The following BNC2 variants were observed in gnomAD, a reference collection of about 807,000 sequenced individuals.
BNC2 encodes zinc finger protein basonuclin-2.
A neutral mutation model predicts 76.3 loss-of-function variants in BNC2; 20 were observed. That is an observed-to-expected ratio of 0.26 (90% CI 0.18 to 0.38). The LOEUF (loss-of-function observed/expected upper bound fraction) is 0.38. Ranked by LOEUF, BNC2 falls within the 10% of genes least tolerant of loss-of-function variation. BNC2 has a pLI of 1.00. For missense variants in BNC2, 1,382 were observed against 1,399.8 expected (o/e 0.99, Z 0.20); for synonymous variants, 582 against 514.8 (o/e 1.13, Z -1.77).
chr9:16,467,997 T>C (rs544706738), intron 5 of BNC2, among the ~76,000 whole-genome samples: 3 of 152,018 alleles, frequency 2.0e-5, no homozygotes, highest in Non-Finnish European at 4.4e-5. Context: ...GCTGTTCTGT[T>C]ACTGTGTTCC....
intron 5 of BNC2, among the ~76,000 whole-genome samples, chr9:16,491,060 C>T (rs754564592): frequency 2.0e-5 from 3 of 152,126 alleles, no homozygotes; most frequent in African/African-American, 7.2e-5. Flanking sequence ...AGACAGACAA[C>T]GTGATTGTGG....
chr9:16,693,441 A>T (rs1030046655), intron 3 of BNC2, among the ~76,000 whole-genome samples: 2 of 152,118 alleles, frequency 1.3e-5, no homozygotes, highest in African/African-American at 4.8e-5. Context: ...ATCACCTGAG[A>T]GCATGTCTGA....
intron 1 of BNC2, among the ~76,000 whole-genome samples, chr9:16,772,017 A>AAT: frequency 6.6e-6 from 1 of 152,238 alleles, no homozygotes; most frequent in African/African-American, 2.4e-5. Flanking sequence ...AATAATAACT[A>AAT]ATATGTCTGC....
chr9:16,658,132 A>G (rs1025011966), intron 3 of BNC2, among the ~76,000 whole-genome samples: 8 of 152,204 alleles, frequency 5.3e-5, no homozygotes, highest in African/African-American at 9.7e-5. Flanking sequence ...TCTACATTGC[A>G]ATAAAACTGT....
At chr9:16,551,629 C>T (rs1007304406) in intron 5 of BNC2, among the ~76,000 whole-genome samples, 4 of 152,204 alleles carry the variant, frequency 2.6e-5, no homozygotes, top group Non-Finnish European at 4.4e-5. Flanking sequence ...AGATGTCCTT[C>T]GGCGAGAGGG....
At position 16,539,324 on chromosome 9, in the gene BNC2, A is replaced by T. The variant is rs146542465; in HGVS notation, c.669+13206T>A. ...GGCTTGAGGTCAGGAGTTTGAGACC[A>T]GCCTGGGCAATACGATAAAATCCCA... On this transcript the variant is annotated intron_variant, in intron 5 of 6. Coordinates refer to ENST00000380672, the MANE Select transcript of BNC2 (RefSeq NM_017637.6). Among the ~76,000 whole-genome samples the T allele has an allele frequency of 9.0e-3, 1,374 of 152,054 alleles. 18 individuals carry two copies. Among genetic ancestry groups the T allele is most frequent in the African/African-American group, 0.031 (1,303 of 41,466 alleles).
chr9:16,492,262 G>C lies in BNC2; in HGVS notation c.670-54738C>G, dbSNP rs191966459. On this transcript the variant is annotated intron_variant, in intron 5 of 6. Transcript: ENST00000380672. ...TCAACCTATTCATGTCTAAGTTCCA[G>C]GTTCACTTTAAAGCAGCAAGAGGTG... Among the ~76,000 whole-genome samples the C allele has an allele frequency of 4.4e-3, 667 of 152,186 alleles. 7 individuals are homozygous for C. The highest frequency in any genetic ancestry group is 0.014 in the African/African-American group (595 of 41,544).
At chr9:16,460,681 C>A (rs1007002894) in intron 5 of BNC2, among the ~76,000 whole-genome samples, 1 of 152,162 alleles carries the variant, frequency 6.6e-6, no homozygotes. Flanking sequence ...CATGGAGTCA[C>A]AGAGCGGTGC....
In BNC2 at chr9:16,739,032, GA is replaced by G. The variant is rs552050451; in HGVS notation, c.4-548del. On this transcript the variant is annotated intron_variant, in intron 1 of 6. Coordinates refer to ENST00000380672, the MANE Select transcript of BNC2 (RefSeq NM_017637.6). ...GATCCCTTCCAGCCAGTATGGTTTAGAAAAAAAAAAAAGCTTCTACACCGAG... is the reference window on the plus strand; with the variant it reads ...GATCCCTTCCAGCCAGTATGGTTTAGAAAAAAAAAAAGCTTCTACACCGAG... Among the ~76,000 whole-genome samples the G allele has an allele frequency of 1.2e-3, 162 of 137,934 alleles. 1 individual carries two copies. The highest frequency in any genetic ancestry group is 2.2e-3 in the African/African-American group (84 of 37,672). 90.5% of individuals were successfully genotyped at this position (137,934 alleles called of 152,430 possible). A position where few individuals can be genotyped will look rare whatever the true frequency, so the allele number is the denominator to read the frequency against.
At chr9:16,764,878 T>C (rs1012526482) in intron 1 of BNC2, among the ~76,000 whole-genome samples, 2 of 143,416 alleles carry the variant, frequency 1.4e-5, no homozygotes, top group Non-Finnish European at 3.0e-5. Context: ...ATCCCAAAAA[T>C]AAATGAGAGG....
chr9:16,706,932 G>T (rs1232859114), intron 3 of BNC2, among the ~76,000 whole-genome samples: 2 of 152,250 alleles, frequency 1.3e-5, no homozygotes, highest in Non-Finnish European at 2.9e-5. Flanking sequence ...GCTGGGCGCG[G>T]AGGCTCACGC....
intron 1 of BNC2, among the ~76,000 whole-genome samples, chr9:16,815,670 T>A (rs565782270): frequency 5.6e-4 from 85 of 152,306 alleles, no homozygotes; most frequent in South Asian, 4.6e-3. Flanking sequence ...ATTTCCCCCT[T>A]TCTTTTTAGC....
chr9:16,669,762 C>T (rs955700318), intron 3 of BNC2, among the ~76,000 whole-genome samples: 1 of 152,158 alleles, frequency 6.6e-6, no homozygotes, highest in Admixed American at 6.5e-5. Context: ...TTTCTTTAAA[C>T]AGAAACAACC....
intron 4 of BNC2, among the ~76,000 whole-genome samples, chr9:16,555,424 T>A (rs142561622): frequency 1.1e-4 from 16 of 152,158 alleles, no homozygotes; most frequent in Admixed American, 7.9e-4. Flanking sequence ...TCCCTAGATA[T>A]GCTTTCGAGA....
At chr9:16,655,960 G>A (rs773435241) in intron 3 of BNC2, among the ~76,000 whole-genome samples, 2 of 152,144 alleles carry the variant, frequency 1.3e-5, no homozygotes, top group Admixed American at 6.5e-5. Context: ...TATTCGCCAC[G>A]CATTGTAAGT....
intron 5 of BNC2, among the ~76,000 whole-genome samples, chr9:16,500,565 C>T: frequency 6.6e-6 from 1 of 152,152 alleles, no homozygotes; most frequent in East Asian, 1.9e-4. Flanking sequence ...ACAGAGTCTA[C>T]TTTGTCCTTG....
At chr9:16,822,414 G>GT (rs1818359424) in intron 1 of BNC2, among the ~76,000 whole-genome samples, 1 of 152,132 alleles carries the variant, frequency 6.6e-6, no homozygotes, top group Non-Finnish European at 1.5e-5. Context: ...TCAAATCCAA[G>GT]TGAGTCTAGA....
At chr9:16,539,827 A>AGGAAG (rs1563831116) in intron 5 of BNC2, among the ~76,000 whole-genome samples, 83 of 119,890 alleles carry the variant, frequency 6.9e-4, no homozygotes, top group African/African-American at 1.0e-3. Context: ...AGGAAAGGAA[A>AGGAAG]GGAAGGGAAG....
intron 1 of BNC2, among the ~76,000 whole-genome samples, chr9:16,755,425 A>G (rs1021375960): frequency 2.0e-5 from 3 of 152,170 alleles, no homozygotes; most frequent in Admixed American, 6.5e-5. Flanking sequence ...TTTTAGCTAC[A>G]TTATCCAGGA....
Sources: gnomAD v4.1 joint callset for allele counts (sites outside exome capture counted in the v4.1 genomes callset) on GRCh38, gnomAD v4.1.1 for gene constraint, MANE v1.5 for transcripts, NCBI Gene and HGNC (gene_info 2026-07-23, HGNC 2026-07-21) for gene names.